The following DLGAP2 variants were observed in gnomAD, a reference collection of about 807,000 sequenced individuals.
The protein encoded by DLGAP2 is DLG associated protein 2, also known as disks large-associated protein 2.
DLGAP2 carries 26 observed loss-of-function variants against 100.3 expected under a neutral mutation model. That is an observed-to-expected ratio of 0.26 (90% confidence interval 0.19 to 0.36). DLGAP2 has a LOEUF of 0.36. DLGAP2 is among the 10% of genes least tolerant of loss of function. The probability of loss-of-function intolerance (pLI) is 1.00; values close to 1 mark genes in which losing one functional copy is unlikely to be tolerated. For synonymous variants in DLGAP2, 886 were observed against 630.1 expected, an observed-to-expected ratio of 1.41 and a Z score of -6.08; for missense variants, 1,858 against 1,453.2, an observed-to-expected ratio of 1.28 and a Z score of -4.53.
At chr8:826,568 C>T (rs968228245) in intron 1 of DLGAP2, among the ~76,000 whole-genome samples, 3 of 152,060 alleles carry the variant, frequency 2.0e-5, no homozygotes, top group Middle Eastern at 3.2e-3. Flanking sequence ...TTTTGTGTTT[C>T]TGTGACATTC....
At chr8:1,156,621 G>A (rs1238063508) in intron 2 of DLGAP2, among the ~76,000 whole-genome samples, 4 of 149,194 alleles carry the variant, frequency 2.7e-5, no homozygotes, top group African/African-American at 5.0e-5. Flanking sequence ...CCAGCCCAGC[G>A]CCCCAGCCCA....
intron 2 of DLGAP2, among the ~76,000 whole-genome samples, chr8:1,162,143 G>T (rs1315454353): frequency 1.3e-5 from 2 of 152,256 alleles, no homozygotes; most frequent in Non-Finnish European, 2.9e-5. Flanking sequence ...ACGGAGGCAG[G>T]AAGCCCTCCC....
At chr8:872,557 G>C (rs959554548) in intron 1 of DLGAP2, among the ~76,000 whole-genome samples, 4 of 152,030 alleles carry the variant, frequency 2.6e-5, no homozygotes, top group Non-Finnish European at 5.9e-5. Flanking sequence ...GTCTCAAACT[G>C]ACCTCAGGTG....
intron 4 of DLGAP2, among the ~76,000 whole-genome samples, chr8:1,526,610 A>G (rs952019386): frequency 6.6e-6 from 1 of 152,310 alleles, no homozygotes; most frequent in African/African-American, 2.4e-5. Flanking sequence ...CTGACCGCTG[A>G]GTTCTGCCAC....
intron 1 of DLGAP2, among the ~76,000 whole-genome samples, chr8:784,687 G>A (rs1821789552): frequency 1.3e-5 from 2 of 152,136 alleles, no homozygotes; most frequent in South Asian, 4.1e-4. Context: ...GGACCTGAAC[G>A]TGTGACTGTG....
chr8:1,138,623 G>T (rs564802844), intron 2 of DLGAP2, among the ~76,000 whole-genome samples: 100 of 152,346 alleles, frequency 6.6e-4, no homozygotes, highest in Non-Finnish European at 1.2e-3. Context: ...CATTCCCAAC[G>T]AATTCCGTCT....
chr8:768,959 C>T (rs1821288126), intron 1 of DLGAP2, among the ~76,000 whole-genome samples: 1 of 152,082 alleles, frequency 6.6e-6, no homozygotes, highest in Admixed American at 6.5e-5. Context: ...GCGTCCGCAG[C>T]CTGTGTGAGG....
chr8:1,191,147 C>A (rs937144234), intron 2 of DLGAP2, among the ~76,000 whole-genome samples: 4 of 151,546 alleles, frequency 2.6e-5, no homozygotes, highest in African/African-American at 7.3e-5. Flanking sequence ...TTTCTTGTAA[C>A]TAAGTGTTTC....
chr8:865,023 G>A (rs936868675), intron 1 of DLGAP2, among the ~76,000 whole-genome samples: 4 of 152,166 alleles, frequency 2.6e-5, no homozygotes, highest in African/African-American at 7.2e-5. Flanking sequence ...TCTAGATGGA[G>A]TAACCTTGTT....
chr8:1,091,411 A>ATAGGTTGTTGTTGTT, intron 2 of DLGAP2, among the ~76,000 whole-genome samples: 1 of 152,248 alleles, frequency 6.6e-6, no homozygotes, highest in Non-Finnish European at 1.5e-5. Context: ...TCCTTTTCTC[A>ATAGGTTGTTGTTGTT]GTCTAGTAAG....
At chr8:1,328,124 C>G (rs947976263) in intron 3 of DLGAP2, among the ~76,000 whole-genome samples, 3 of 151,992 alleles carry the variant, frequency 2.0e-5, no homozygotes, top group African/African-American at 7.3e-5. Context: ...ACTGCATACT[C>G]CACCTCCCAG....
chr8:1,583,267 T>C (rs1796005196), intron 6 of DLGAP2, among the ~76,000 whole-genome samples: 1 of 152,094 alleles, frequency 6.6e-6, no homozygotes, highest in Admixed American at 6.6e-5. Context: ...TTGGGTGAGG[T>C]GATCAAGTGA....
At chr8:981,475 T>C (rs1800329964) in intron 2 of DLGAP2, among the ~76,000 whole-genome samples, 1 of 152,098 alleles carries the variant, frequency 6.6e-6, no homozygotes, top group African/African-American at 2.4e-5. Flanking sequence ...ATTTGGTAAA[T>C]CTGTTTAACC....
At chr8:1,428,871 G>A (rs1211088138) in intron 3 of DLGAP2, among the ~76,000 whole-genome samples, 1 of 152,192 alleles carries the variant, frequency 6.6e-6, no homozygotes, top group East Asian at 1.9e-4. Flanking sequence ...CACCAGCTAG[G>A]TGACTCCCAT....
intron 3 of DLGAP2, chr8:1,373,559 A>G (rs1431673310): frequency 1.3e-5 from 2 of 152,190 alleles, no homozygotes; most frequent in African/African-American, 4.8e-5. Context: ...GGTTTTTGTC[A>G]ACGTTCAGTG....
chr8:860,047 T>C (rs766472144), intron 1 of DLGAP2, among the ~76,000 whole-genome samples: 8 of 152,236 alleles, frequency 5.3e-5, no homozygotes, highest in Non-Finnish European at 1.0e-4. Flanking sequence ...CTTTAAATAC[T>C]AAATTTGGTT....
intron 10 of DLGAP2, among the ~76,000 whole-genome samples, chr8:1,672,702 C>G (rs1798720849): frequency 1.3e-5 from 2 of 152,164 alleles, no homozygotes; most frequent in Non-Finnish European, 1.5e-5. Flanking sequence ...AGCTCCAAGC[C>G]TCACAGGCAG....
At chr8:1,372,978 G>A (rs997385002) in intron 3 of DLGAP2, among the ~76,000 whole-genome samples, 1 of 152,122 alleles carries the variant, frequency 6.6e-6, no homozygotes, top group Non-Finnish European at 1.5e-5. Flanking sequence ...GGCCACCTAC[G>A]TGGCCACCTA....
chr8:1,276,012 ATAG>A (rs1279079332), intron 3 of DLGAP2, among the ~76,000 whole-genome samples: 1 of 134,454 alleles, frequency 7.4e-6, no homozygotes, highest in Non-Finnish European at 1.5e-5. Flanking sequence ...ATAAATAGAT[ATAG>A]AATATATAAA....
Sources: gnomAD v4.1 joint callset for allele counts (sites outside exome capture counted in the v4.1 genomes callset) on GRCh38, gnomAD v4.1.1 for gene constraint, MANE v1.5 for transcripts, NCBI Gene and HGNC (gene_info 2026-07-23, HGNC 2026-07-21) for gene names.